ARB2A: variants seen among roughly 807,000 people sequenced by gnomAD.
ARB2A encodes the protein ARB2 cotranscriptional regulator A.
At chr5:93,937,345 G>C in the ARB2A span, among the ~76,000 whole-genome samples, 4 of 149,868 alleles carry the variant, frequency 2.7e-5, no homozygotes, top group Non-Finnish European at 4.4e-5. Flanking sequence ...GTTCACACCT[G>C]TAATCCCAGC....
the ARB2A span, among the ~76,000 whole-genome samples, chr5:94,049,290 C>T: frequency 6.6e-6 from 1 of 152,164 alleles, no homozygotes; most frequent in Non-Finnish European, 1.5e-5. Flanking sequence ...TTTATCCAGT[C>T]AAAGACAAGT....
chr5:93,825,673 T>G, the ARB2A span, among the ~76,000 whole-genome samples: 13 of 152,102 alleles, frequency 8.5e-5, no homozygotes, highest in Admixed American at 6.6e-4. Context: ...CATGCATGGA[T>G]TTTTCATAAT....
the ARB2A span, among the ~76,000 whole-genome samples, chr5:93,902,865 T>A: frequency 6.6e-6 from 1 of 152,206 alleles, no homozygotes; most frequent in East Asian, 1.9e-4. Flanking sequence ...ACCTGCCCAA[T>A]CTTGCAGATG....
the ARB2A span, among the ~76,000 whole-genome samples, chr5:94,089,060 C>T: frequency 6.6e-6 from 1 of 152,094 alleles, no homozygotes; most frequent in Admixed American, 6.5e-5. Context: ...AAGGAAAATG[C>T]TGTAACAGCA....
chr5:93,679,514 A>G, the ARB2A span, among the ~76,000 whole-genome samples: 2 of 152,208 alleles, frequency 1.3e-5, no homozygotes, highest in South Asian at 4.1e-4. Flanking sequence ...ACAAAAATTA[A>G]TTTTTATTTA....
At chr5:93,910,036 T>C in the ARB2A span, among the ~76,000 whole-genome samples, 384 of 151,246 alleles carry the variant, frequency 2.5e-3, 2 homozygotes, top group African/African-American at 8.9e-3. Flanking sequence ...TGTAACTACA[T>C]TGACATAGCT....
the ARB2A span, among the ~76,000 whole-genome samples, chr5:94,020,698 A>C: frequency 6.6e-6 from 1 of 152,174 alleles, no homozygotes. Flanking sequence ...AGCTATGTGA[A>C]AGAAGGTCAT....
chr5:93,687,621 C>T, the ARB2A span, among the ~76,000 whole-genome samples: 14 of 151,996 alleles, frequency 9.2e-5, no homozygotes, highest in East Asian at 7.7e-4. Context: ...GTAAATAGAA[C>T]GTATTATTTT....
the ARB2A span, among the ~76,000 whole-genome samples, chr5:93,831,924 T>C: frequency 1.3e-5 from 2 of 152,186 alleles, no homozygotes; most frequent in African/African-American, 4.8e-5. Flanking sequence ...TTACAGATTT[T>C]AGCTTTAGAC....
the ARB2A span, among the ~76,000 whole-genome samples, chr5:93,654,163 C>G: frequency 6.6e-6 from 1 of 152,222 alleles, no homozygotes; most frequent in Admixed American, 6.5e-5. Context: ...ACCGGTGAGT[C>G]TGACTCACTT....
chr5:93,684,184 T>C, the ARB2A span, among the ~76,000 whole-genome samples: 2 of 152,184 alleles, frequency 1.3e-5, no homozygotes, highest in Non-Finnish European at 2.9e-5. Context: ...CTGGAACATA[T>C]GCTCCATGAG....
At chr5:94,094,734 C>G in the ARB2A span, among the ~76,000 whole-genome samples, 1 of 152,134 alleles carries the variant, frequency 6.6e-6, no homozygotes, top group Admixed American at 6.5e-5. Context: ...GAGAGACAGA[C>G]AGAACAGTCC....
the ARB2A span, among the ~76,000 whole-genome samples, chr5:94,100,548 C>T: frequency 6.6e-6 from 1 of 152,120 alleles, no homozygotes; most frequent in Non-Finnish European, 1.5e-5. Flanking sequence ...TACTACAAGG[C>T]TACAGGGACC....
At chr5:93,819,135 G>A in the ARB2A span, among the ~76,000 whole-genome samples, 3 of 132,674 alleles carry the variant, frequency 2.3e-5, no homozygotes, top group South Asian at 7.1e-4. Flanking sequence ...GCAGTGAGTC[G>A]AGATCGCGCC....
the ARB2A span, among the ~76,000 whole-genome samples, chr5:93,986,670 A>C: frequency 6.6e-6 from 1 of 152,232 alleles, no homozygotes; most frequent in Non-Finnish European, 1.5e-5. Flanking sequence ...TTCTGTACTA[A>C]GAAAAACTCT....
At chr5:93,904,327 A>G in the ARB2A span, among the ~76,000 whole-genome samples, 2 of 151,884 alleles carry the variant, frequency 1.3e-5, no homozygotes, top group African/African-American at 4.8e-5. Flanking sequence ...AGACTAGATT[A>G]GATTAGAAAT....
the ARB2A span, chr5:93,881,291 A>C: frequency 1.0e-5 from 5 of 479,396 alleles, no homozygotes; most frequent in South Asian, 3.3e-5. Flanking sequence ...CTGAAATAAG[A>C]ATGATGCGTT....
At chr5:93,893,961 A>T in the ARB2A span, among the ~76,000 whole-genome samples, 7 of 152,208 alleles carry the variant, frequency 4.6e-5, no homozygotes, top group Non-Finnish European at 7.3e-5. Context: ...TACTTCTAAT[A>T]GGCACTCAGC....
At chr5:93,880,280 T>C in the ARB2A span, among the ~76,000 whole-genome samples, 1 of 151,764 alleles carries the variant, frequency 6.6e-6, no homozygotes, top group Non-Finnish European at 1.5e-5. Context: ...TTAACTGTCA[T>C]AGCTTACTCA....
Sources: allele counts gnomAD v4.1 joint callset (sites outside exome capture counted in the v4.1 genomes callset), GRCh38; gene constraint gnomAD v4.1.1; transcripts MANE v1.5; gene names NCBI Gene and HGNC (gene_info 2026-07-23, HGNC 2026-07-21).